The following LYVE1 variants were observed in gnomAD, a reference collection of about 807,000 sequenced individuals.
LYVE1 encodes lymphatic vessel endothelial hyaluronan receptor 1.
In LYVE1, 29 loss-of-function variants were observed where a neutral mutation model predicts 31.5. The ratio of observed to expected loss-of-function variants is 0.92; its 90% CI spans 0.69 to 1.26. The LOEUF (loss-of-function observed/expected upper bound fraction) is 1.26, where lower values mean the gene tolerates loss of function less well. LYVE1 is among the 50% of genes most tolerant of loss of function. The pLI, the probability that LYVE1 is intolerant of heterozygous loss-of-function variation, is 0.00. For missense variants in LYVE1, 376 were observed against 380.2 expected (o/e 0.99, Z 0.09); for synonymous variants, 134 against 139.4 (o/e 0.96, Z 0.27).
At chr11:10,559,739 C>T (rs1407964340) in intron 5 of LYVE1, 77 bp downstream of exon 5, 2 of 1,320,706 alleles carry the variant, frequency 1.5e-6, no homozygotes, top group Non-Finnish European at 2.2e-6. Flanking sequence ...CAGCAAAATG[C>T]CAACAGTGAC....
chr11:10,562,818 C>G (rs917518272), intron 3 of LYVE1, among the ~76,000 whole-genome samples: 3 of 151,940 alleles, frequency 2.0e-5, no homozygotes, highest in Non-Finnish European at 2.9e-5. Context: ...GAGACTGGGT[C>G]TGGTTCTTAA....
intron 3 of LYVE1, among the ~76,000 whole-genome samples, chr11:10,561,632 G>C (rs1171152710): frequency 6.6e-6 from 1 of 152,152 alleles, no homozygotes; most frequent in Non-Finnish European, 1.5e-5. Flanking sequence ...TGTTTAAATA[G>C]GTATCTCATT....
At chr11:10,560,084 ACT>A (rs1850390063) in intron 4 of LYVE1, among the ~76,000 whole-genome samples, 190 bp from the exon 5 acceptor site, 1 of 152,014 alleles carries the variant, frequency 6.6e-6, no homozygotes, top group Non-Finnish European at 1.5e-5. Flanking sequence ...TGCTTCTCAC[ACT>A]CTCAATTCTA....
chr11:10,565,952 A>G (rs941085941), intron 1 of LYVE1, among the ~76,000 whole-genome samples: 2 of 152,088 alleles, frequency 1.3e-5, no homozygotes, highest in Non-Finnish European at 2.9e-5. Context: ...CTGGGATTAC[A>G]GGCATGTGCC....
rs1450990585 is a variant in LYVE1, at chr11:10,559,102, C to G, written c.*9G>C. ...CAGCCTCAGGTGTGTCTCCTCATTT[C>G]TGTCTCATCTAAACTTCAGCTTCCA... On this transcript the variant is annotated 3_prime_UTR_variant, in exon 6 of 6. Coordinates refer to ENST00000256178, the MANE Select transcript of LYVE1 (RefSeq NM_006691.4). The G allele has an allele frequency of 6.2e-7, 1 of 1,612,596 alleles. No homozygotes were observed. Among genetic ancestry groups the G allele is most frequent in the Non-Finnish European group, 8.5e-7 (1 of 1,179,524 alleles).
At chr11:10,562,209 C>T (rs1429801539) in intron 3 of LYVE1, among the ~76,000 whole-genome samples, 1 of 152,192 alleles carries the variant, frequency 6.6e-6, no homozygotes, top group Non-Finnish European at 1.5e-5. Context: ...GCATATGTAG[C>T]TCACCAATTC....
chr11:10,564,903 T>C (rs1850505391), intron 1 of LYVE1, among the ~76,000 whole-genome samples: 1 of 152,178 alleles, frequency 6.6e-6, no homozygotes. Flanking sequence ...GGGGACAGGC[T>C]TACTCAGAAG....
chr11:10,560,449 A>T, intron 4 of LYVE1, 46 bp downstream of exon 4: 1 of 1,480,528 alleles, frequency 6.8e-7, no homozygotes, highest in Non-Finnish European at 9.1e-7. Flanking sequence ...TATCTGTTAT[A>T]CATGAACATA....
At chr11:10,564,672 A>C (rs933329144) in intron 1 of LYVE1, among the ~76,000 whole-genome samples, 22 of 152,332 alleles carry the variant, frequency 1.4e-4, no homozygotes, top group African/African-American at 5.3e-4. Flanking sequence ...GTTGGGGTGC[A>C]GTCTAAGGGA....
Position 10,557,437 on chromosome 11 carries a change from G to T in LYVE1, c.*1674C>A, listed in dbSNP as rs1013189207. On this transcript the variant is annotated 3_prime_UTR_variant, in exon 6 of 6. Coordinates refer to ENST00000256178, the MANE Select transcript of LYVE1 (RefSeq NM_006691.4). ...TATACTCCGTGGGCCAACCGGAAAAGATTATGCCAGCAGGTTGTGGCATCT... is the reference window on the plus strand; with the variant it reads ...TATACTCCGTGGGCCAACCGGAAAATATTATGCCAGCAGGTTGTGGCATCT... The T allele has an allele frequency of 6.6e-6, 1 of 152,242 alleles. No individual in the cohort carries two copies. The highest frequency in any genetic ancestry group is 2.4e-5 in the African/African-American group (1 of 41,466). 9.4% of individuals were successfully genotyped at this position (152,242 alleles called of 1,614,324 possible). A position where few individuals can be genotyped will look rare whatever the true frequency, so the allele number is the denominator to read the frequency against.
intron 1 of LYVE1, among the ~76,000 whole-genome samples, chr11:10,566,197 C>T (rs941526019): frequency 3.3e-5 from 5 of 152,076 alleles, no homozygotes; most frequent in African/African-American, 4.8e-5. Flanking sequence ...GCAACCTCTG[C>T]CTCCCGGGTC....
At chr11:10,563,545 A>G (rs1375313230) in intron 3 of LYVE1, among the ~76,000 whole-genome samples, 1 of 152,128 alleles carries the variant, frequency 6.6e-6, no homozygotes, top group Admixed American at 6.5e-5. Context: ...GCATCTGTAG[A>G]TTTTTGTATA....
Position 10,560,742 on chromosome 11 carries a change from G to A in LYVE1, c.456C>T (p.Asn152=), listed in dbSNP as rs755236617. 2 of 1,613,890 alleles carry A rather than the reference G, an allele frequency of 1.2e-6. No individual in the cohort carries two copies. Among genetic ancestry groups the A allele is most frequent in the Non-Finnish European group, 8.5e-7 (1 of 1,179,790 alleles). Residue 152 remains asparagine, a synonymous_variant, in exon 4 of 6, where the codon AAC becomes AAT. Transcript: ENST00000256178. ...CTGTTGTTTGTGTTGCAGTTTGAGT[G>A]TTGAATATGGGATCTTTGGTGGTGA... The part of the protein sequence containing the change: ...EIITTKDPIF[N]TQTATQTTEF...
At chr11:10,566,925 G>A (rs1850555378) in intron 1 of LYVE1, among the ~76,000 whole-genome samples, 1 of 152,138 alleles carries the variant, frequency 6.6e-6, no homozygotes, top group Non-Finnish European at 1.5e-5. Context: ...GGGATCAAAA[G>A]AGGGAGCTGG....
intron 3 of LYVE1, among the ~76,000 whole-genome samples, chr11:10,561,680 A>C (rs1198462168): frequency 6.6e-6 from 1 of 152,218 alleles, no homozygotes; most frequent in Non-Finnish European, 1.5e-5. Context: ...ACAGGAGGAA[A>C]CTGAAGTTTA....
In LYVE1 at chr11:10,557,494, C is replaced by T. The variant is rs1850338314; in HGVS notation, c.*1617G>A. The T allele has an allele frequency of 6.6e-6, 1 of 152,106 alleles. No individual in the cohort carries two copies. Among genetic ancestry groups the T allele is most frequent in the Non-Finnish European group, 1.5e-5 (1 of 68,014 alleles). 9.4% of individuals were successfully genotyped at this position (152,106 alleles called of 1,614,324 possible). ...AAGGAACCACGGAGCTGTGGGGTCACTGGTGAGGGGAAGAAGACAATTAGC... is the reference window on the plus strand; with the variant it reads ...AAGGAACCACGGAGCTGTGGGGTCATTGGTGAGGGGAAGAAGACAATTAGC... On this transcript the variant is annotated 3_prime_UTR_variant, in exon 6 of 6. Coordinates refer to ENST00000256178, the MANE Select transcript of LYVE1 (RefSeq NM_006691.4).
intron 3 of LYVE1, among the ~76,000 whole-genome samples, 184 bp from the exon 4 acceptor site, chr11:10,560,984 C>T (rs117316120): frequency 6.6e-6 from 1 of 152,222 alleles, no homozygotes; most frequent in East Asian, 1.9e-4. Context: ...GTATGGCCTA[C>T]AAGGCCTTCT....
At position 10,568,442 on chromosome 11, in the gene LYVE1, A is replaced by G; in HGVS notation, c.85+6T>C. The G allele has an allele frequency of 6.2e-7, 1 of 1,613,588 alleles. No individual in the cohort carries two copies. The highest frequency in any genetic ancestry group is 8.5e-7 in the Non-Finnish European group (1 of 1,179,686). On this transcript the variant is annotated splice_donor_region_variant and intron_variant, in intron 1 of 5. Coordinates refer to ENST00000256178, the MANE Select transcript of LYVE1 (RefSeq NM_006691.4). Reference sequence around the variant, plus strand: ...CTTCAGTTTGGAAATCTGGTGAGAAACCTACCTTCTGCACGCAAAGAGCCT... The same window carrying G: ...CTTCAGTTTGGAAATCTGGTGAGAAGCCTACCTTCTGCACGCAAAGAGCCT...
chr11:10,559,023 C>A lies in LYVE1; in HGVS notation c.*88G>T. On this transcript the variant is annotated 3_prime_UTR_variant, in exon 6 of 6. Coordinates refer to ENST00000256178, the MANE Select transcript of LYVE1 (RefSeq NM_006691.4). ...CAAGGGTGGACTTTCTTCTTTGGTT[C>A]TTTGGCCCTTTTGATTTCCCCAGCT... 7.9e-7 allele frequency: 1 copy of A among 1,269,904 alleles called. No homozygotes were observed. Among genetic ancestry groups the A allele is most frequent in the Non-Finnish European group, 1.1e-6 (1 of 904,796 alleles). The allele number at this position is 1,269,904 out of a possible 1,614,324, so 78.7% of individuals were successfully genotyped here.
Sources: gnomAD v4.1 joint callset for allele counts (sites outside exome capture counted in the v4.1 genomes callset) on GRCh38, gnomAD v4.1.1 for gene constraint, MANE v1.5 for transcripts, NCBI Gene and HGNC (gene_info 2026-07-23, HGNC 2026-07-21) for gene names.